The following ECM2 variants were observed in gnomAD, a reference collection of about 807,000 sequenced individuals.
ECM2 encodes extracellular matrix protein 2, female organ and adipocyte specific.
In ECM2, 57 loss-of-function variants were observed where a neutral mutation model predicts 67.5. That is an observed-to-expected ratio of 0.84 (90% CI 0.68 to 1.05). The LOEUF (loss-of-function observed/expected upper bound fraction) is 1.05, where lower values mean the gene tolerates loss of function less well. Among genes scored for constraint, ECM2 ranks in the 50% least tolerant of loss-of-function variants. The probability of loss-of-function intolerance (pLI) is 0.00; values close to 1 mark genes in which losing one functional copy is unlikely to be tolerated. For synonymous variants in ECM2, 258 were observed against 294.5 expected (o/e 0.88, Z 1.27); for missense variants, 741 against 822.8 (o/e 0.90, Z 1.22).
chr9:92,556,653 C>T, the ECM2 span, among the ~76,000 whole-genome samples: 1 of 152,078 alleles, frequency 6.6e-6, no homozygotes, highest in Non-Finnish European at 1.5e-5. Context: ...GAATAGCTAC[C>T]CCTGCTCACT....
In ECM2 at chr9:92,500,828, CA is replaced by C. The variant is rs1178000369; in HGVS notation, c.1829del (p.Leu610ArgfsTer11). 6.2e-7 allele frequency: 1 copy of C among 1,614,144 alleles called. No individual in the cohort carries two copies. The highest frequency in any genetic ancestry group is 2.2e-5 in the East Asian group (1 of 44,880). On this transcript the variant is annotated frameshift_variant, in exon 9 of 10. Transcript: ENST00000344604. LOFTEE classifies it high-confidence loss of function. ...RVSFYGAYHS[L>X]RELFLDHNDL... ...CATTGTGATCCAGAAATAATTCTCT[CA>C]GAGAATGATATGCCCCATAGAAGGA...
At chr9:92,518,575 C>A (rs1226509382) in intron 2 of ECM2, among the ~76,000 whole-genome samples, 1 of 152,164 alleles carries the variant, frequency 6.6e-6, no homozygotes, top group African/African-American at 2.4e-5. Flanking sequence ...AAATATGATT[C>A]ACATACTATA....
chr9:92,532,234 A>C, intron 1 of ECM2, among the ~76,000 whole-genome samples: 1 of 149,160 alleles, frequency 6.7e-6, no homozygotes, highest in Admixed American at 6.6e-5. Flanking sequence ...TAATTTTTTC[A>C]CTTTTAAAAG....
At chr9:92,507,988 T>G (rs1257345323) in intron 6 of ECM2, among the ~76,000 whole-genome samples, 1 of 152,180 alleles carries the variant, frequency 6.6e-6, no homozygotes, top group African/African-American at 2.4e-5. Context: ...TGCATCTTTG[T>G]GCTGTTTTCT....
At chr9:92,517,552 T>G in intron 3 of ECM2, 135 bp downstream of exon 3, 1 of 1,167,472 alleles carries the variant, frequency 8.6e-7, no homozygotes, top group Non-Finnish European at 1.2e-6. Flanking sequence ...TCTATGTTAA[T>G]CAGCATTTTG....
intron 2 of ECM2, among the ~76,000 whole-genome samples, chr9:92,519,667 C>T (rs1192682767): frequency 6.6e-6 from 1 of 152,138 alleles, no homozygotes; most frequent in African/African-American, 2.4e-5. Flanking sequence ...GATCAAAGAC[C>T]TAATATATCT....
Position 92,522,680 on chromosome 9 carries a change from G to C in ECM2, c.187C>G (p.Pro63Ala). The C allele has an allele frequency of 6.2e-7, 1 of 1,614,084 alleles. No individual in the cohort carries two copies. Among genetic ancestry groups the C allele is most frequent in the Non-Finnish European group, 8.5e-7 (1 of 1,179,990 alleles). The change falls in exon 2 of 10, where the codon CCA becomes GCA. Residue 63 changes from proline to alanine, a missense_variant. By Grantham distance (27) the Pro-to-Ala change is conservative (BLOSUM62 -1). Transcript: ENST00000344604. ...LGIQQTTVFT[P>A]VARLPIVNFD... Reference sequence around the variant, plus strand: ...TTAACAATAGGAAGTCTTGCTACTGGTGTAAAAACTGTTGTTTGCTGAATT... The same window carrying C: ...TTAACAATAGGAAGTCTTGCTACTGCTGTAAAAACTGTTGTTTGCTGAATT...
intron 8 of ECM2, among the ~76,000 whole-genome samples, chr9:92,502,105 G>A (rs955091720): frequency 6.6e-6 from 1 of 152,210 alleles, no homozygotes; most frequent in African/African-American, 2.4e-5. Context: ...TTCTCACTGT[G>A]TGCAGGGGAA....
chr9:92,509,864 A>G, intron 6 of ECM2, 35 bp downstream of exon 6: 1 of 1,579,432 alleles, frequency 6.3e-7, no homozygotes, highest in Non-Finnish European at 8.6e-7. Context: ...AAAGATTATA[A>G]GGAAGCATAT....
At chr9:92,510,442 A>G (rs1370167958) in intron 5 of ECM2, among the ~76,000 whole-genome samples, 1 of 152,258 alleles carries the variant, frequency 6.6e-6, no homozygotes, top group East Asian at 1.9e-4. Context: ...ATAGCAATCA[A>G]TCCTTTAAAC....
At position 92,498,761 on chromosome 9, in the gene ECM2, T is replaced by C. The variant is rs369497551; in HGVS notation, c.1931+1966A>G. On this transcript the variant is annotated intron_variant, in intron 9 of 9. Transcript: ENST00000344604. Reference sequence around the variant, plus strand: ...CTTTTATTATGAGCAGTAATAATGATGTCATTTTGAAACAATTGTTTACAT... The same window carrying C: ...CTTTTATTATGAGCAGTAATAATGACGTCATTTTGAAACAATTGTTTACAT... 3.9e-5 allele frequency among the ~76,000 whole-genome samples: 6 copies of C among 152,330 alleles called. No individual in the cohort carries two copies. The South Asian group carries it at 1.2e-3, about 32-fold the overall frequency.
chr9:92,542,072 G>A, the ECM2 span, among the ~76,000 whole-genome samples: 7 of 152,230 alleles, frequency 4.6e-5, no homozygotes, highest in Non-Finnish European at 1.0e-4. Flanking sequence ...GATTATAGGC[G>A]TGAGCCACTG....
In ECM2 at chr9:92,514,809, C is replaced by G. The variant is rs756344651; in HGVS notation, c.876G>C (p.Pro292=). ...GEEDEEDEED[P]VRGDMFRMPS... is the part of the protein sequence containing the mutation. ...GCATTCGGAACATATCTCCTCTTAC[C>G]GGGTCCTCCTCGTCCTCCTCATCCT... is the stretch of plus-strand genomic sequence containing the variant. Residue 292 remains proline (P), a synonymous_variant, in exon 4 of 10, where the codon CCG becomes CCC. Coordinates refer to ENST00000344604, the MANE Select transcript of ECM2 (RefSeq NM_001393.4). The G allele has an allele frequency of 8.7e-5, 140 of 1,613,384 alleles. 1 individual carries two copies. The South Asian group carries it at 1.4e-3, about 16-fold the overall frequency.
the ECM2 span, among the ~76,000 whole-genome samples, chr9:92,548,470 A>G: frequency 6.6e-6 from 1 of 152,228 alleles, no homozygotes; most frequent in Non-Finnish European, 1.5e-5. Context: ...ATTACTGCAT[A>G]TGATCACTAA....
At chr9:92,521,137 T>C (rs1466485207) in intron 2 of ECM2, among the ~76,000 whole-genome samples, 5 of 152,244 alleles carry the variant, frequency 3.3e-5, no homozygotes, top group African/African-American at 4.8e-5. Context: ...CAAAAAGTAC[T>C]GTAAGATCAC....
chr9:92,526,785 C>A (rs991972297), intron 1 of ECM2, among the ~76,000 whole-genome samples: 1 of 151,834 alleles, frequency 6.6e-6, no homozygotes, highest in African/African-American at 2.4e-5. Context: ...AATAAAAAAA[C>A]TTTTTTATAA....
intron 1 of ECM2, among the ~76,000 whole-genome samples, chr9:92,532,025 T>A (rs1475379): frequency 0.19 from 24,351 of 125,710 alleles, 3,917 homozygotes; most frequent in East Asian, 0.68. Flanking sequence ...GTTTTTTTTT[T>A]TTTATTTTAT....
rs755291775 is a variant in ECM2 at position 92,500,967 on chromosome 9, A to G, written c.1691T>C (p.Leu564Pro). The change falls in exon 9 of 10, where the codon CTT (leucine) becomes CCT (proline). Residue 564 changes from leucine to proline, a missense_variant. Physicochemically the swap from Leu to Pro is moderately conservative, Grantham distance 98 (BLOSUM62 -3). Coordinates refer to ENST00000344604, the MANE Select transcript of ECM2 (RefSeq NM_001393.4). ...LPKSLLHLVL[L>P]GNQIERIPGY... ...AGGGATCCGTTCAATCTGGTTCCCAAGGAGTACTAGGTGCAGCAAGGACTT... is the reference window on the plus strand; with the variant it reads ...AGGGATCCGTTCAATCTGGTTCCCAGGGAGTACTAGGTGCAGCAAGGACTT... 1 of 1,614,176 alleles carries G rather than the reference A, an allele frequency of 6.2e-7. No homozygotes were observed. Among genetic ancestry groups the G allele is most frequent in the South Asian group, 1.1e-5 (1 of 91,074 alleles).
At chr9:92,550,603 C>T in the ECM2 span, among the ~76,000 whole-genome samples, 1 of 151,094 alleles carries the variant, frequency 6.6e-6, no homozygotes, top group East Asian at 1.9e-4. Flanking sequence ...AATATTCAGT[C>T]CAGGAGGCTG....
Sources: gnomAD v4.1 joint callset for allele counts (sites outside exome capture counted in the v4.1 genomes callset) on GRCh38, gnomAD v4.1.1 for gene constraint, MANE v1.5 for transcripts, NCBI Gene and HGNC (gene_info 2026-07-23, HGNC 2026-07-21) for gene names.